Variants in PXK observed in about 807,000 individuals in gnomAD.
The protein encoded by PXK is PX domain-containing protein kinase-like protein.
Under a neutral mutation model 84.7 loss-of-function variants are expected in PXK, and 35 were observed. The observed-to-expected ratio is 0.41, with a 90% CI of 0.32 to 0.55. PXK has a LOEUF of 0.55. Among genes scored for constraint, PXK ranks in the 20% least tolerant of loss-of-function variants. The pLI is 0.21. For synonymous variants in PXK, 253 were observed against 260.8 expected, an observed-to-expected ratio of 0.97 and a Z score of 0.29; for missense variants, 634 against 699.7, an observed-to-expected ratio of 0.91 and a Z score of 1.06.
intron 1 of PXK, among the ~76,000 whole-genome samples, chr3:58,342,415 G>T (rs1325106132): frequency 2.6e-5 from 4 of 151,652 alleles, no homozygotes; most frequent in Non-Finnish European, 5.9e-5. Context: ...GGCTGAGGTA[G>T]GTGGATGGCT....
intron 16 of PXK, among the ~76,000 whole-genome samples, chr3:58,410,482 T>C (rs1266650550): frequency 1.3e-5 from 2 of 152,218 alleles, no homozygotes; most frequent in Non-Finnish European, 2.9e-5. Flanking sequence ...TCCTGTTTTT[T>C]AGTAGAGCCT....
intron 17 of PXK, chr3:58,420,463 T>C (rs1007540578): frequency 1.3e-6 from 2 of 1,493,302 alleles, no homozygotes; most frequent in Non-Finnish European, 1.8e-6. Flanking sequence ...CTGTTACTAT[T>C]TGATTAAATG....
chr3:58,358,110 A>G (rs2108265649), intron 1 of PXK, among the ~76,000 whole-genome samples: 1 of 152,382 alleles, frequency 6.6e-6, no homozygotes, highest in Non-Finnish European at 1.5e-5. Context: ...AATCAAGCCA[A>G]TGAACATATT....
At chr3:58,346,644 A>G (rs2097825106) in intron 1 of PXK, among the ~76,000 whole-genome samples, 1 of 151,934 alleles carries the variant, frequency 6.6e-6, no homozygotes, top group Non-Finnish European at 1.5e-5. Context: ...TAATTCTATA[A>G]TTATTTTTCT....
chr3:58,385,374 A>G lies in PXK; in HGVS notation c.388+2674A>G, dbSNP rs1386567033. Reference sequence around the variant, plus strand: ...AGGCTGACATACCAGCCACCTCAGGAAAAGGAAGCATAGGCTGCCACCTCC... The same window carrying G: ...AGGCTGACATACCAGCCACCTCAGGGAAAGGAAGCATAGGCTGCCACCTCC... On this transcript the variant is annotated intron_variant, in intron 4 of 17. Transcript: ENST00000356151. This position sits in a 1 kb window ranked among gnomAD's most constrained non-coding sequence, Gnocchi z 5.1. Among the ~76,000 whole-genome samples, 1 of 152,184 alleles carries G rather than the reference A, an allele frequency of 6.6e-6. No homozygotes were observed. Among genetic ancestry groups the G allele is most frequent in the Non-Finnish European group, 1.5e-5 (1 of 68,042 alleles).
At chr3:58,353,999 A>G (rs1198084231) in intron 1 of PXK, among the ~76,000 whole-genome samples, 2 of 152,188 alleles carry the variant, frequency 1.3e-5, no homozygotes, top group Admixed American at 6.5e-5. Context: ...CATTCTTTTC[A>G]GGCCTTCCTA....
intron 1 of PXK, among the ~76,000 whole-genome samples, chr3:58,355,197 T>C (rs1298550644): frequency 6.6e-6 from 1 of 151,574 alleles, no homozygotes; most frequent in African/African-American, 2.4e-5. Context: ...ACAAATTAAA[T>C]CAGAATCTGT....
chr3:58,424,619 G>A (rs2062548380), intron 17 of PXK, 133 bp from the exon 18 acceptor site: 2 of 1,248,438 alleles, frequency 1.6e-6, no homozygotes, highest in Admixed American at 5.4e-5. Flanking sequence ...AACTCATACA[G>A]TACTAGGTAT....
At chr3:58,360,705 G>A (rs1022971898) in intron 1 of PXK, among the ~76,000 whole-genome samples, 7 of 151,934 alleles carry the variant, frequency 4.6e-5, no homozygotes, top group Non-Finnish European at 8.8e-5. Flanking sequence ...GGTGGTGCAT[G>A]CCTGTGGTCC....
rs2061888775 is a variant in PXK at position 58,421,696 on chromosome 3, T to A, written c.1529-3056T>A. On this transcript the variant is annotated intron_variant, in intron 17 of 17. Coordinates refer to ENST00000356151, the MANE Select transcript of PXK (RefSeq NM_017771.5). The surrounding 1 kb of genome is among the most constrained non-coding windows in gnomAD (Gnocchi z 5.5). Reference sequence around the variant, plus strand: ...GACCTACGCTCTCCCTGCAGCATTCTCTGCCCTCTGACAGGGCCTCTGCTG... The same window carrying A: ...GACCTACGCTCTCCCTGCAGCATTCACTGCCCTCTGACAGGGCCTCTGCTG... 1 of 985,336 alleles carries A rather than the reference T, an allele frequency of 1.0e-6. No homozygotes were observed. Among genetic ancestry groups the A allele is most frequent in the Non-Finnish European group, 1.2e-6 (1 of 829,946 alleles). The allele number at this position is 985,336 out of a possible 1,614,324, so 61.0% of individuals were successfully genotyped here. A position where few individuals can be genotyped will look rare whatever the true frequency, so the allele number is the denominator to read the frequency against.
chr3:58,337,945 C>T (rs957864798), intron 1 of PXK, among the ~76,000 whole-genome samples: 1 of 152,172 alleles, frequency 6.6e-6, no homozygotes, highest in Non-Finnish European at 1.5e-5. Context: ...GCTTTCAGAT[C>T]CTGAAATTTT....
chr3:58,355,495 C>G (rs1313155516), intron 1 of PXK, among the ~76,000 whole-genome samples: 1 of 152,162 alleles, frequency 6.6e-6, no homozygotes, highest in Non-Finnish European at 1.5e-5. Context: ...GTGTTTGTAG[C>G]CTCACTAAAG....
intron 3 of PXK, among the ~76,000 whole-genome samples, chr3:58,377,644 T>C (rs62258077): frequency 0.29 from 43,977 of 150,270 alleles, 7,178 homozygotes; most frequent in Middle Eastern, 0.39. Flanking sequence ...AGACTAAAAG[T>C]TTTAAATAAT....
chr3:58,366,482 C>T (rs1015550840), intron 2 of PXK, among the ~76,000 whole-genome samples: 1 of 152,116 alleles, frequency 6.6e-6, no homozygotes, highest in Non-Finnish European at 1.5e-5. Flanking sequence ...TCTGAGTTGA[C>T]TTACAGAGGG....
At chr3:58,423,338 G>A in intron 17 of PXK, 1 of 1,471,698 alleles carries the variant, frequency 6.8e-7, no homozygotes, top group Non-Finnish European at 9.1e-7. Flanking sequence ...AGTTGTTATT[G>A]TGTAGAACCA....
At chr3:58,336,071 A>ATATATATATTTTT (rs1284780630) in intron 1 of PXK, among the ~76,000 whole-genome samples, 3 of 51,584 alleles carry the variant, frequency 5.8e-5, no homozygotes, top group African/African-American at 3.0e-4. Context: ...ATATATATAT[A>ATATATATATTTTT]TTTTTTTTTT....
In PXK at chr3:58,383,158, G is replaced by A. The variant is rs1054817216; in HGVS notation, c.388+458G>A. On this transcript the variant is annotated intron_variant, in intron 4 of 17. Coordinates refer to ENST00000356151, the MANE Select transcript of PXK (RefSeq NM_017771.5). The surrounding 1 kb of genome is among the most constrained non-coding windows in gnomAD (Gnocchi z 4.0). ...AATACAAAAATTAGCCAGGCATAGT[G>A]GCACATGCCTGTAATCCTAGCTACT... Among the ~76,000 whole-genome samples, 1 of 152,156 alleles carries A rather than the reference G, an allele frequency of 6.6e-6. No homozygotes were observed. The highest frequency in any genetic ancestry group is 1.5e-5 in the Non-Finnish European group (1 of 68,036).
chr3:58,342,651 A>G (rs2097758449), intron 1 of PXK, among the ~76,000 whole-genome samples: 1 of 150,026 alleles, frequency 6.7e-6, no homozygotes, highest in Non-Finnish European at 1.5e-5. Flanking sequence ...AAAAAAAAAA[A>G]GAAAAGAAAA....
chr3:58,420,699 C>A (rs1388191389), intron 17 of PXK: 1 of 1,484,816 alleles, frequency 6.7e-7, no homozygotes. Flanking sequence ...ATTTCCTTAT[C>A]TGAATATTTA....
Sources: gnomAD v4.1 joint callset for allele counts (sites outside exome capture counted in the v4.1 genomes callset) on GRCh38, gnomAD v4.1.1 for gene constraint, Gnocchi (gnomAD v3.1) non-coding constraint, MANE v1.5 for transcripts, NCBI Gene and HGNC (gene_info 2026-07-23, HGNC 2026-07-21) for gene names.